Variants in AHI1 observed in about 807,000 individuals in gnomAD.
AHI1 encodes Abelson helper integration site 1, also known as jouberin.
In AHI1, 123 loss-of-function variants were observed where a neutral mutation model predicts 149.3. That is an observed-to-expected ratio of 0.82 (90% CI 0.71 to 0.96). The LOEUF is 0.96. Ranked by LOEUF, AHI1 falls within the 40% of genes least tolerant of loss-of-function variation. The pLI, the probability that AHI1 is intolerant of heterozygous loss-of-function variation, is 0.00. For synonymous variants in AHI1, 475 were observed against 459.8 expected (o/e 1.03, Z -0.42); for missense variants, 1,439 against 1,422.7 (o/e 1.01, Z -0.18).
intron 24 of AHI1, among the ~76,000 whole-genome samples, chr6:135,327,878 C>T (rs1176326930): frequency 1.3e-5 from 2 of 152,198 alleles, no homozygotes; most frequent in Non-Finnish European, 2.9e-5. Context: ...AAAGAAGCTT[C>T]CCCTCCTTCC....
chr6:135,436,978 C>T (rs1317078925), intron 15 of AHI1, among the ~76,000 whole-genome samples: 2 of 152,142 alleles, frequency 1.3e-5, no homozygotes, highest in Admixed American at 1.3e-4. Context: ...AGATGTAATA[C>T]AAATTTTCAG....
chr6:135,341,540 C>T (rs569775127), intron 24 of AHI1, among the ~76,000 whole-genome samples: 2 of 152,002 alleles, frequency 1.3e-5, no homozygotes, highest in South Asian at 4.1e-4. Flanking sequence ...TATTCTTGTC[C>T]ACAGAACATT....
chr6:135,456,342 A>T (rs1788942616), intron 9 of AHI1, among the ~76,000 whole-genome samples: 2 of 152,064 alleles, frequency 1.3e-5, no homozygotes, highest in Admixed American at 1.3e-4. Flanking sequence ...GGAGTTTGGG[A>T]CCAGCCTGGG....
At chr6:135,482,894 C>CTATTTTTTTTTTTTTTTTTTT (rs1793899273) in intron 5 of AHI1, among the ~76,000 whole-genome samples, 1 of 55,734 alleles carries the variant, frequency 1.8e-5, no homozygotes, top group African/African-American at 9.3e-5. Context: ...CCATTTAAGG[C>CTATTTTTTTTTTTTTTTTTTT]TTTTTTTTTT....
intron 5 of AHI1, among the ~76,000 whole-genome samples, chr6:135,487,477 T>C (rs749154527): frequency 6.6e-6 from 1 of 152,188 alleles, no homozygotes; most frequent in Admixed American, 6.5e-5. Flanking sequence ...AAGTTCTACA[T>C]ATTTAACTGA....
Position 135,394,861 on chromosome 6 carries a change from T to C in AHI1, c.3024A>G (p.Ala1008=), listed in dbSNP as rs1779005784. 6.2e-7 allele frequency: 1 copy of C among 1,603,834 alleles called. No individual in the cohort carries two copies. Among genetic ancestry groups the C allele is most frequent in the Admixed American group, 1.7e-5 (1 of 58,556 alleles). The part of the protein sequence containing the change: ...NKNLSFTSPP[A]VSSQQSKLKQ... ...TTAACTTAGACTGTTGTGAGGAAACTGCTGGTGGTGAAGTAAATGAGAGAT... is the reference window on the plus strand; with the variant it reads ...TTAACTTAGACTGTTGTGAGGAAACCGCTGGTGGTGAAGTAAATGAGAGAT... Residue 1008 remains alanine, a synonymous_variant, in exon 23 of 29, where the codon GCA becomes GCG. Transcript: ENST00000265602.
rs1195123528 is a variant in AHI1, at chr6:135,284,762, A to AGTT, written c.*880_*882dup. The AGTT allele has an allele frequency of 1.3e-5, 2 of 152,220 alleles. No individual in the cohort carries two copies. Among genetic ancestry groups the AGTT allele is most frequent in the African/African-American group, 4.8e-5 (2 of 41,460 alleles). 9.4% of individuals were successfully genotyped at this position (152,220 alleles called of 1,614,324 possible). A position where few individuals can be genotyped will look rare whatever the true frequency, so the allele number is the denominator to read the frequency against. ...AATCACTTTTAATTTAGGTCTATGA[A>AGTT]GTTACCTATATGATTTGATCTTAAG... is the stretch of plus-strand genomic sequence containing the variant. On this transcript the variant is annotated 3_prime_UTR_variant, in exon 29 of 29. Coordinates refer to ENST00000265602, the MANE Select transcript of AHI1 (RefSeq NM_001134831.2).
chr6:135,333,623 G>A (rs1197563163), intron 24 of AHI1, among the ~76,000 whole-genome samples: 1 of 152,132 alleles, frequency 6.6e-6, no homozygotes, highest in African/African-American at 2.4e-5. Context: ...ATAATGCAAC[G>A]ATAAGTGAAA....
rs574769718 is a variant in AHI1 at position 135,404,023 on chromosome 6, TAA to T, written c.2988+926_2988+927del. On this transcript the variant is annotated intron_variant, in intron 22 of 28. Transcript: ENST00000265602. ...AAATGGTAGTAGGTGCCCACTGAATTAAAAAAAAAAAAAAATTCCATTGCACT... is the reference window on the plus strand; with the variant it reads ...AAATGGTAGTAGGTGCCCACTGAATTAAAAAAAAAAAAATTCCATTGCACT... 5.8e-3 allele frequency among the ~76,000 whole-genome samples: 823 copies of T among 142,614 alleles called. 10 individuals carry two copies. Among genetic ancestry groups the T allele is most frequent in the African/African-American group, 0.02 (781 of 39,282 alleles). 93.6% of individuals were successfully genotyped at this position (142,614 alleles called of 152,430 possible).
At chr6:135,318,440 T>C in intron 26 of AHI1, 79 bp downstream of exon 26, 1 of 955,470 alleles carries the variant, frequency 1.0e-6, no homozygotes, top group Middle Eastern at 2.7e-4. Flanking sequence ...ATAATAAGCA[T>C]AAAAAATAAA....
chr6:135,453,480 A>G (rs1788448504), intron 10 of AHI1, 44 bp from the exon 11 acceptor site: 1 of 1,319,946 alleles, frequency 7.6e-7, no homozygotes, highest in African/African-American at 1.5e-5. Flanking sequence ...AAAATTTAAT[A>G]TTTTCTAATG....
chr6:135,363,465 G>A (rs1794248653), intron 23 of AHI1, among the ~76,000 whole-genome samples: 1 of 152,150 alleles, frequency 6.6e-6, no homozygotes. Flanking sequence ...CACAGACACG[G>A]CAACCATCCG....
chr6:135,387,998 A>C (rs752771214), intron 23 of AHI1: 1 of 1,613,782 alleles, frequency 6.2e-7, no homozygotes, highest in Non-Finnish European at 8.5e-7. Flanking sequence ...TTTTTCCACC[A>C]TAATATACAT....
chr6:135,360,809 C>T (rs371931130), intron 23 of AHI1, among the ~76,000 whole-genome samples: 6 of 152,050 alleles, frequency 3.9e-5, no homozygotes, highest in East Asian at 3.8e-4. Flanking sequence ...TAGAATAAAT[C>T]GACCTATCAA....
chr6:135,330,301 A>C (rs1227628377), intron 24 of AHI1, among the ~76,000 whole-genome samples: 7 of 152,168 alleles, frequency 4.6e-5, no homozygotes, highest in African/African-American at 1.7e-4. Flanking sequence ...AGAAATTGCC[A>C]CAGTCACCAC....
At position 135,427,247 on chromosome 6, in the gene AHI1, T is replaced by C; in HGVS notation, c.2684A>G (p.Tyr895Cys). The change falls in exon 20 of 29, where the codon TAT (tyrosine) becomes TGT (cysteine). Residue 895 changes from tyrosine to cysteine, a missense_variant. Tyr to Cys is a radical substitution (Grantham distance 194). Transcript: ENST00000265602. ...TGCAACCATATTTTCAAATGGATGA[T>C]AAGAAATGTCTCGAATGGGTGACTT... ...PFKSPIRDIS[Y>C]HPFENMVAFC... 6.2e-7 allele frequency: 1 copy of C among 1,610,662 alleles called. No homozygotes were observed. Among genetic ancestry groups the C allele is most frequent in the Non-Finnish European group, 8.5e-7 (1 of 1,177,760 alleles).
At chr6:135,353,637 C>T (rs555930402) in intron 24 of AHI1, among the ~76,000 whole-genome samples, 1 of 152,012 alleles carries the variant, frequency 6.6e-6, no homozygotes, top group Non-Finnish European at 1.5e-5. Flanking sequence ...AATCTAACAA[C>T]AATAACAACC....
At chr6:135,358,534 G>T (rs1177343262) in intron 23 of AHI1, among the ~76,000 whole-genome samples, 4 of 152,184 alleles carry the variant, frequency 2.6e-5, no homozygotes, top group Admixed American at 6.5e-5. Context: ...TCAAGGATAT[G>T]AAGTTTTTAA....
Position 135,300,491 on chromosome 6 carries a change from G to A in AHI1, c.3485+9C>T. The A allele has an allele frequency of 1.3e-6, 2 of 1,598,556 alleles. No homozygotes were observed. The highest frequency in any genetic ancestry group is 1.7e-4 in the Middle Eastern group (1 of 6,024). On this transcript the variant is annotated intron_variant, in intron 27 of 28. Coordinates refer to ENST00000265602, the MANE Select transcript of AHI1 (RefSeq NM_001134831.2). The stretch of plus-strand genomic sequence containing the variant: ...TATCACTGCAAATTATTTTGAAGAA[G>A]TTGCTTACTGTGTCATAGATTCTGA...
Sources: gnomAD v4.1 joint callset for allele counts (sites outside exome capture counted in the v4.1 genomes callset) on GRCh38, gnomAD v4.1.1 for gene constraint, MANE v1.5 for transcripts, NCBI Gene and HGNC (gene_info 2026-07-23, HGNC 2026-07-21) for gene names.